The following PKP4 variants were observed in gnomAD, a reference collection of about 807,000 sequenced individuals.
PKP4 encodes plakophilin-4.
A neutral mutation model predicts 145.1 loss-of-function variants in PKP4; 90 were observed. The observed-to-expected ratio is 0.62, with a 90% CI of 0.52 to 0.74. The LOEUF (loss-of-function observed/expected upper bound fraction) is 0.74, where lower values mean the gene tolerates loss of function less well. Ranked by LOEUF, PKP4 falls within the 30% of genes least tolerant of loss-of-function variation. The pLI is 0.00. For missense variants in PKP4, 1,340 were observed against 1,482.7 expected (o/e 0.90, Z 1.58); for synonymous variants, 563 against 577.2 (o/e 0.98, Z 0.35).
intron 3 of PKP4, chr2:158,578,140 T>C: frequency 5.2e-6 from 1 of 192,410 alleles, no homozygotes; most frequent in Middle Eastern, 5.0e-4. Flanking sequence ...CTCAGTTATT[T>C]CTAACCTCAT....
intron 1 of PKP4, among the ~76,000 whole-genome samples, chr2:158,460,135 G>A (rs911559678): frequency 6.6e-6 from 1 of 152,162 alleles, no homozygotes; most frequent in Non-Finnish European, 1.5e-5. Context: ...AGGGAGCAGA[G>A]TATTGATGGA....
chr2:158,461,297 T>C (rs1431332615), intron 1 of PKP4, among the ~76,000 whole-genome samples: 2 of 152,240 alleles, frequency 1.3e-5, no homozygotes, highest in South Asian at 4.1e-4. Flanking sequence ...TGCAGACATT[T>C]TCTTCATCAT....
At chr2:158,558,424 A>G (rs1379420649) in intron 2 of PKP4, among the ~76,000 whole-genome samples, 1 of 152,140 alleles carries the variant, frequency 6.6e-6, no homozygotes, top group Non-Finnish European at 1.5e-5. Flanking sequence ...TGGGCAAAAA[A>G]TAGAAGGTGA....
chr2:158,500,690 A>G (rs968797707), intron 1 of PKP4, among the ~76,000 whole-genome samples: 8 of 152,196 alleles, frequency 5.3e-5, no homozygotes, highest in African/African-American at 1.7e-4. Context: ...GTTGGCCTAC[A>G]GCTATGGAGC....
intron 1 of PKP4, among the ~76,000 whole-genome samples, chr2:158,478,161 T>G (rs1170059026): frequency 6.6e-6 from 1 of 152,182 alleles, no homozygotes; most frequent in East Asian, 1.9e-4. Flanking sequence ...TGTAAGGCTG[T>G]TGAATAGGAG....
At chr2:158,625,534 A>C in intron 7 of PKP4, 107 bp downstream of exon 7, 1 of 913,362 alleles carries the variant, frequency 1.1e-6, no homozygotes, top group Non-Finnish European at 1.6e-6. Context: ...TCGTGTTTTT[A>C]ATCTCAGATT....
At chr2:158,491,543 C>A (rs926576492) in intron 1 of PKP4, among the ~76,000 whole-genome samples, 1 of 151,996 alleles carries the variant, frequency 6.6e-6, no homozygotes, top group African/African-American at 2.4e-5. Flanking sequence ...CAGTTTTCTA[C>A]TGGGGGTTCT....
intron 2 of PKP4, among the ~76,000 whole-genome samples, chr2:158,568,989 G>A (rs2047215718): frequency 6.6e-6 from 1 of 152,046 alleles, no homozygotes; most frequent in African/African-American, 2.4e-5. Flanking sequence ...AAAGCCATCC[G>A]TGTGGGTGGG....
intron 1 of PKP4, among the ~76,000 whole-genome samples, chr2:158,484,806 T>G (rs1474223514): frequency 6.6e-6 from 1 of 152,230 alleles, no homozygotes; most frequent in Non-Finnish European, 1.5e-5. Flanking sequence ...TGCATGGTTC[T>G]GTAAATGCTG....
At chr2:158,554,817 C>T (rs189578284) in intron 2 of PKP4, among the ~76,000 whole-genome samples, 125 of 152,244 alleles carry the variant, frequency 8.2e-4, no homozygotes, top group Non-Finnish European at 1.5e-3. Flanking sequence ...CAAACTCTTA[C>T]GGCCCAAGAA....
intron 1 of PKP4, among the ~76,000 whole-genome samples, chr2:158,460,008 A>G (rs1202529546): frequency 1.3e-5 from 2 of 152,134 alleles, no homozygotes; most frequent in Non-Finnish European, 2.9e-5. Flanking sequence ...CCCTACTATT[A>G]TGTAAGGAGA....
intron 8 of PKP4, among the ~76,000 whole-genome samples, chr2:158,632,313 A>C (rs879391445): frequency 6.6e-6 from 1 of 152,242 alleles, no homozygotes; most frequent in Non-Finnish European, 1.5e-5. Flanking sequence ...AAATCCATAC[A>C]TGAGTTACTT....
At chr2:158,472,274 A>G (rs996985115) in intron 1 of PKP4, among the ~76,000 whole-genome samples, 19 of 148,180 alleles carry the variant, frequency 1.3e-4, no homozygotes, top group Admixed American at 4.1e-4. Flanking sequence ...AATACATACA[A>G]TTTTATCTTT....
chr2:158,601,711 G>T (rs1267003421), intron 3 of PKP4, among the ~76,000 whole-genome samples: 1 of 152,160 alleles, frequency 6.6e-6, no homozygotes, highest in African/African-American at 2.4e-5. Flanking sequence ...AATTCGTTCA[G>T]TGGTCCTGGA....
At chr2:158,485,450 A>G (rs190752297) in intron 1 of PKP4, among the ~76,000 whole-genome samples, 1 of 152,230 alleles carries the variant, frequency 6.6e-6, no homozygotes, top group Non-Finnish European at 1.5e-5. Flanking sequence ...TTGGCTCTCC[A>G]TGTAACCTAT....
intron 2 of PKP4, among the ~76,000 whole-genome samples, chr2:158,554,485 G>A (rs2045913224): frequency 1.3e-5 from 2 of 150,696 alleles, no homozygotes; most frequent in South Asian, 4.2e-4. Flanking sequence ...GAGTGCAGTG[G>A]TGCAATCTTG....
At chr2:158,627,450 G>T (rs945612700) in intron 7 of PKP4, among the ~76,000 whole-genome samples, 1 of 151,920 alleles carries the variant, frequency 6.6e-6, no homozygotes, top group African/African-American at 2.4e-5. Context: ...TTATGTCTTG[G>T]GGGGAAAATA....
At position 158,681,007 on chromosome 2, in the gene PKP4, A is replaced by G. The variant is rs1391606293; in HGVS notation, c.*330A>G. 4.5e-6 allele frequency: 1 copy of G among 220,758 alleles called. No homozygotes were observed. Among genetic ancestry groups the G allele is most frequent in the Non-Finnish European group, 9.0e-6 (1 of 111,594 alleles). 13.7% of individuals were successfully genotyped at this position (220,758 alleles called of 1,614,324 possible). A position where few individuals can be genotyped will look rare whatever the true frequency, so the allele number is the denominator to read the frequency against. On this transcript the variant is annotated 3_prime_UTR_variant, in exon 22 of 22. Coordinates refer to ENST00000389759, the MANE Select transcript of PKP4 (RefSeq NM_003628.6). Reference sequence around the variant, plus strand: ...AATCAAATTAAAGATGATTTTTTTAATGTGAATAAAGTTATGTTCTGATAG... The same window carrying G: ...AATCAAATTAAAGATGATTTTTTTAGTGTGAATAAAGTTATGTTCTGATAG...
chr2:158,611,957 T>G (rs953226802), intron 4 of PKP4, among the ~76,000 whole-genome samples: 6 of 151,918 alleles, frequency 3.9e-5, no homozygotes, highest in Admixed American at 2.0e-4. Flanking sequence ...GCTTCCTGAT[T>G]GCCACTATAA....
Sources: gnomAD v4.1 joint callset for allele counts (sites outside exome capture counted in the v4.1 genomes callset) on GRCh38, gnomAD v4.1.1 for gene constraint, MANE v1.5 for transcripts, NCBI Gene and HGNC (gene_info 2026-07-23, HGNC 2026-07-21) for gene names.